NLGN1: variants seen among roughly 807,000 people sequenced by gnomAD.
NLGN1 encodes neuroligin 1.
In NLGN1, 12 loss-of-function variants were observed where a neutral mutation model predicts 65.5. That is an observed-to-expected ratio of 0.18 (90% CI 0.12 to 0.30). The LOEUF is 0.30. NLGN1 is among the 10% of genes least tolerant of loss of function. The pLI is 1.00. For synonymous variants in NLGN1, 350 were observed against 359.5 expected (o/e 0.97, Z 0.30); for missense variants, 750 against 1,007.1 (o/e 0.74, Z 3.46).
At chr3:174,267,054 T>G (rs1209784075) in intron 4 of NLGN1, among the ~76,000 whole-genome samples, 6 of 152,202 alleles carry the variant, frequency 3.9e-5, no homozygotes, top group African/African-American at 1.4e-4. Flanking sequence ...GTGGGTACTA[T>G]TACTGATATT....
chr3:173,412,676 A>G (rs1041048095), intron 1 of NLGN1, among the ~76,000 whole-genome samples: 1 of 152,176 alleles, frequency 6.6e-6, no homozygotes, highest in Non-Finnish European at 1.5e-5. Context: ...ACCAAATTAT[A>G]AAAACACTGG....
At chr3:174,097,341 A>G (rs1745726506) in intron 4 of NLGN1, among the ~76,000 whole-genome samples, 6 of 152,180 alleles carry the variant, frequency 3.9e-5, no homozygotes. Flanking sequence ...GGATATGAGT[A>G]TCTTTGGACT....
intron 2 of NLGN1, among the ~76,000 whole-genome samples, chr3:173,592,398 T>C (rs1748676719): frequency 2.0e-5 from 3 of 152,216 alleles, no homozygotes; most frequent in South Asian, 4.1e-4. Context: ...TTTTCTCTTT[T>C]TGTTGTCAGA....
At chr3:173,476,290 G>A (rs999901073) in intron 2 of NLGN1, among the ~76,000 whole-genome samples, 1 of 152,074 alleles carries the variant, frequency 6.6e-6, no homozygotes, top group East Asian at 1.9e-4. Context: ...TTTATAATAA[G>A]GTGCTTAAAA....
intron 3 of NLGN1, among the ~76,000 whole-genome samples, chr3:173,795,038 T>C (rs1713730424): frequency 6.6e-6 from 1 of 152,106 alleles, no homozygotes; most frequent in African/African-American, 2.4e-5. Flanking sequence ...ATATTTTGTG[T>C]TTATGTGTCT....
intron 4 of NLGN1, among the ~76,000 whole-genome samples, chr3:173,899,885 A>G (rs146095441): frequency 6.6e-5 from 10 of 152,066 alleles, no homozygotes; most frequent in East Asian, 3.9e-4. Flanking sequence ...GAGATCAACA[A>G]TTTTCTTAAG....
At chr3:173,602,780 A>G (rs1227950470) in intron 2 of NLGN1, among the ~76,000 whole-genome samples, 2 of 152,182 alleles carry the variant, frequency 1.3e-5, no homozygotes, top group East Asian at 3.9e-4. Flanking sequence ...AGACTCATTC[A>G]TGCTGTGGCC....
chr3:174,036,725 G>C (rs950170612), intron 4 of NLGN1, among the ~76,000 whole-genome samples: 1 of 151,756 alleles, frequency 6.6e-6, no homozygotes, highest in East Asian at 1.9e-4. Flanking sequence ...GTCCCCATTA[G>C]TTATTTTTTC....
chr3:173,525,528 T>G (rs1417558372), intron 2 of NLGN1, among the ~76,000 whole-genome samples: 3 of 152,058 alleles, frequency 2.0e-5, no homozygotes, highest in African/African-American at 4.8e-5. Context: ...ACATAGAAAT[T>G]TATCCTTTCT....
chr3:174,124,562 TATATACGTATACAC>T (rs1331291710), intron 4 of NLGN1, among the ~76,000 whole-genome samples: 12 of 147,608 alleles, frequency 8.1e-5, no homozygotes, highest in African/African-American at 3.0e-4. Flanking sequence ...TATATACGTA[TATATACGTATACAC>T]ATATATACGT....
chr3:173,499,226 T>G (rs1321827236), intron 2 of NLGN1, among the ~76,000 whole-genome samples: 1 of 151,884 alleles, frequency 6.6e-6, no homozygotes, highest in Middle Eastern at 3.2e-3. Context: ...TGAATTTATT[T>G]TTGTATAAGG....
At chr3:173,446,634 T>C (rs115699821) in intron 2 of NLGN1, among the ~76,000 whole-genome samples, 2,669 of 152,272 alleles carry the variant, frequency 0.018, 35 homozygotes, top group Non-Finnish European at 0.028. Flanking sequence ...CCCTGAGGAA[T>C]TGGCACACCA....
chr3:174,201,220 G>T (rs1267307561), intron 4 of NLGN1, among the ~76,000 whole-genome samples: 1 of 150,750 alleles, frequency 6.6e-6, no homozygotes, highest in Admixed American at 6.7e-5. Context: ...TCCAGCCTGA[G>T]CTACAGAGTA....
chr3:173,769,790 G>A (rs1779315233), intron 3 of NLGN1, among the ~76,000 whole-genome samples: 1 of 152,164 alleles, frequency 6.6e-6, no homozygotes, highest in Admixed American at 6.5e-5. Flanking sequence ...TGAACAGGGA[G>A]GGTCTTACTG....
intron 2 of NLGN1, among the ~76,000 whole-genome samples, chr3:173,578,019 G>A (rs946700759): frequency 1.7e-4 from 26 of 151,998 alleles, no homozygotes; most frequent in Non-Finnish European, 5.9e-5. Context: ...GGTGGATCAC[G>A]AGGTCAGGAG....
intron 4 of NLGN1, among the ~76,000 whole-genome samples, chr3:174,236,932 CTTCT>C (rs1741821771): frequency 6.6e-6 from 1 of 152,086 alleles, no homozygotes; most frequent in South Asian, 2.1e-4. Flanking sequence ...ATACACTCTG[CTTCT>C]AAATCTAAAG....
At chr3:173,627,498 C>T (rs749322851) in intron 3 of NLGN1, among the ~76,000 whole-genome samples, 24 of 151,966 alleles carry the variant, frequency 1.6e-4, no homozygotes, top group Non-Finnish European at 1.5e-4. Context: ...CTGTAATGAA[C>T]GTGAGAGTGA....
At chr3:173,931,307 T>A (rs1744044247) in intron 4 of NLGN1, among the ~76,000 whole-genome samples, 1 of 151,992 alleles carries the variant, frequency 6.6e-6, no homozygotes, top group Admixed American at 6.6e-5. Flanking sequence ...AAAATTAAAA[T>A]GTTAGTGGGT....
chr3:173,859,063 A>T (rs560880193), intron 4 of NLGN1, among the ~76,000 whole-genome samples: 1 of 152,088 alleles, frequency 6.6e-6, no homozygotes, highest in African/African-American at 2.4e-5. Flanking sequence ...AATATAGTTT[A>T]ACTTCACTTT....
Sources: allele counts gnomAD v4.1 joint callset (sites outside exome capture counted in the v4.1 genomes callset), GRCh38; gene constraint gnomAD v4.1.1; transcripts MANE v1.5; gene names NCBI Gene and HGNC (gene_info 2026-07-23, HGNC 2026-07-21).